FAM151B: variants seen among roughly 807,000 people sequenced by gnomAD.
FAM151B encodes protein FAM151B.
Under a neutral mutation model 31.2 loss-of-function variants are expected in FAM151B, and 24 were observed. The observed-to-expected ratio is 0.77, with a 90% CI of 0.56 to 1.08. The LOEUF is 1.08. Ranked by LOEUF, FAM151B falls within the 50% of genes least tolerant of loss-of-function variation. FAM151B has a pLI of 0.00. For missense variants in FAM151B, 293 were observed against 328.6 expected (o/e 0.89, Z 0.84); for synonymous variants, 105 against 111.4 (o/e 0.94, Z 0.36).
At chr5:80,503,874 C>G (rs982670181) in intron 2 of FAM151B, among the ~76,000 whole-genome samples, 10 of 151,880 alleles carry the variant, frequency 6.6e-5, no homozygotes, top group Non-Finnish European at 1.5e-4. Flanking sequence ...CTCTTGCTGT[C>G]CCTGTTATAT....
At chr5:80,531,187 T>A (rs1335661754) in intron 5 of FAM151B, among the ~76,000 whole-genome samples, 1 of 152,142 alleles carries the variant, frequency 6.6e-6, no homozygotes. Flanking sequence ...TAGCCATATG[T>A]AGAAAGCTGA....
At position 80,522,105 on chromosome 5, in the gene FAM151B, C is replaced by T; in HGVS notation, c.638C>T (p.Ser213Phe). ...VRAALVRQSC[S>F]QLLWLLKKSN... ...GCAGCATTAGTCAGGCAGTCTTGTT[C>T]TCAGTTACTTTGGCTGTTAAAGAAA... Residue 213 changes from serine to phenylalanine, a missense_variant, in exon 5 of 6, where the codon TCT (serine) becomes TTT (phenylalanine). Physicochemically the swap from Ser to Phe is radical, Grantham distance 155. Transcript: ENST00000282226. 1.2e-6 allele frequency: 2 copies of T among 1,612,806 alleles called. No homozygotes were observed. Among genetic ancestry groups the T allele is most frequent in the Non-Finnish European group, 8.5e-7 (1 of 1,179,116 alleles).
At chr5:80,522,175 T>C in intron 5 of FAM151B, 37 bp downstream of exon 5, 1 of 1,574,124 alleles carries the variant, frequency 6.4e-7, no homozygotes, top group Non-Finnish European at 8.7e-7. Context: ...TGTGAGTGTG[T>C]ATGAGAGACA....
At chr5:80,525,475 G>C (rs1222967780) in intron 5 of FAM151B, among the ~76,000 whole-genome samples, 1 of 152,106 alleles carries the variant, frequency 6.6e-6, no homozygotes. Flanking sequence ...CAAAGAACAG[G>C]CTAAGTGTTT....
chr5:80,538,483 TTTC>T (rs1745684814), intron 5 of FAM151B, among the ~76,000 whole-genome samples: 1 of 101,024 alleles, frequency 9.9e-6, no homozygotes, highest in African/African-American at 4.1e-5. Flanking sequence ...TCTTTCTTTC[TTTC>T]CTTCCTTCCT....
intron 1 of FAM151B, among the ~76,000 whole-genome samples, chr5:80,495,851 A>AAAAAAAAG (rs1743519744): frequency 2.6e-5 from 4 of 151,128 alleles, no homozygotes. Context: ...AAAAAAAAAA[A>AAAAAAAAG]AAAAAAAAGA....
At chr5:80,538,787 C>T (rs1198894501) in intron 5 of FAM151B, among the ~76,000 whole-genome samples, 2 of 151,506 alleles carry the variant, frequency 1.3e-5, no homozygotes, top group Non-Finnish European at 2.9e-5. Context: ...TTAGTGGAGA[C>T]GGGGTTTTGC....
intron 1 of FAM151B, among the ~76,000 whole-genome samples, chr5:80,497,848 C>A (rs908244028): frequency 6.6e-6 from 1 of 151,634 alleles, no homozygotes; most frequent in Admixed American, 6.6e-5. Context: ...ATGTAAATGA[C>A]GAGTTAATGG....
chr5:80,539,864 A>G (rs1745793867), intron 5 of FAM151B, among the ~76,000 whole-genome samples: 1 of 152,066 alleles, frequency 6.6e-6, no homozygotes, highest in Non-Finnish European at 1.5e-5. Context: ...AATTTACAGA[A>G]AAGTTGCAAA....
At chr5:80,521,506 A>C (rs1374904272) in intron 4 of FAM151B, among the ~76,000 whole-genome samples, 1 of 152,168 alleles carries the variant, frequency 6.6e-6, no homozygotes, top group Non-Finnish European at 1.5e-5. Flanking sequence ...ACTTTAAGTA[A>C]AATATACAGG....
chr5:80,489,454 C>G (rs545273422), intron 1 of FAM151B, among the ~76,000 whole-genome samples: 28 of 152,118 alleles, frequency 1.8e-4, no homozygotes, highest in African/African-American at 6.5e-4. Flanking sequence ...CCTAGTTTTC[C>G]TAAGAATCCA....
intron 1 of FAM151B, chr5:80,498,734 A>T (rs1165845916): frequency 3.5e-6 from 2 of 573,610 alleles, no homozygotes. Context: ...TATTCTTGGG[A>T]GTGGTGTAAG....
chr5:80,506,143 C>G (rs1743953765), intron 2 of FAM151B: 1 of 983,410 alleles, frequency 1.0e-6, no homozygotes, highest in Non-Finnish European at 1.2e-6. Context: ...GGGTGCATTA[C>G]AATAAGTTAA....
At chr5:80,533,064 C>T (rs1039256345) in intron 5 of FAM151B, among the ~76,000 whole-genome samples, 2 of 152,052 alleles carry the variant, frequency 1.3e-5, no homozygotes, top group Admixed American at 1.3e-4. Flanking sequence ...TTCAAATAAC[C>T]TAACAGTGCA....
At chr5:80,531,614 G>A (rs958432440) in intron 5 of FAM151B, among the ~76,000 whole-genome samples, 4 of 152,200 alleles carry the variant, frequency 2.6e-5, no homozygotes, top group African/African-American at 9.7e-5. Context: ...AGACATTTAT[G>A]CAGCCAACAG....
intron 1 of FAM151B, 22 bp downstream of exon 1, chr5:80,488,170 T>C: frequency 6.5e-7 from 1 of 1,540,122 alleles, no homozygotes; most frequent in Admixed American, 2.0e-5. Context: ...GCGCGCGGCC[T>C]CTGCCTGGAG....
intron 1 of FAM151B, among the ~76,000 whole-genome samples, chr5:80,495,901 G>A (rs760845220): frequency 2.0e-5 from 3 of 147,730 alleles, no homozygotes; most frequent in Non-Finnish European, 4.5e-5. Context: ...GCCTGAAGAT[G>A]TGACTACATT....
chr5:80,490,685 G>A (rs2112592337), intron 1 of FAM151B, among the ~76,000 whole-genome samples: 1 of 152,210 alleles, frequency 6.6e-6, no homozygotes, highest in Admixed American at 6.5e-5. Context: ...CTTATGTCTA[G>A]CTTCTTCCAC....
intron 5 of FAM151B, among the ~76,000 whole-genome samples, chr5:80,529,958 G>C (rs370319706): frequency 1.3e-5 from 2 of 152,126 alleles, no homozygotes; most frequent in African/African-American, 2.4e-5. Context: ...ACCAATATCC[G>C]TGATGAACAT....
Sources: gnomAD v4.1 joint callset for allele counts (sites outside exome capture counted in the v4.1 genomes callset) on GRCh38, gnomAD v4.1.1 for gene constraint, MANE v1.5 for transcripts, NCBI Gene and HGNC (gene_info 2026-07-23, HGNC 2026-07-21) for gene names.